Variants in FRAS1 observed in about 807,000 individuals in gnomAD.
FRAS1 encodes the protein Fraser extracellular matrix complex subunit 1.
Under a neutral mutation model 435.2 loss-of-function variants are expected in FRAS1, and 290 were observed. The ratio of observed to expected loss-of-function variants is 0.67; its 90% CI spans 0.61 to 0.73. The LOEUF is 0.73. FRAS1 is among the 30% of genes least tolerant of loss of function. The pLI is 0.00. For synonymous variants in FRAS1, 1,800 were observed against 1,851.0 expected (o/e 0.97, Z 0.71); for missense variants, 4,860 against 5,001.5 (o/e 0.97, Z 0.85).
At chr4:78,064,912 G>T (rs1032247507) in intron 1 of FRAS1, among the ~76,000 whole-genome samples, 2 of 151,686 alleles carry the variant, frequency 1.3e-5, no homozygotes, top group Admixed American at 6.6e-5. Context: ...CTGTTCAAAT[G>T]TGTTTTGCAG....
chr4:78,519,221 A>G (rs1474060676), intron 66 of FRAS1, 110 bp from the exon 67 acceptor site: 2 of 866,890 alleles, frequency 2.3e-6, no homozygotes, highest in African/African-American at 1.8e-5. Context: ...TAATTATTGA[A>G]TAAGTGTGTG....
At chr4:78,068,517 G>A (rs1272373682) in intron 2 of FRAS1, 6 of 456,198 alleles carry the variant, frequency 1.3e-5, no homozygotes, top group Non-Finnish European at 2.6e-5. Context: ...GTCAGAGCAT[G>A]GTGAGCCTTG....
chr4:78,459,784 C>T (rs1055201129), intron 47 of FRAS1, among the ~76,000 whole-genome samples: 8 of 152,136 alleles, frequency 5.3e-5, no homozygotes, highest in Non-Finnish European at 7.3e-5. Context: ...AGGAAGGACC[C>T]GCCCCAGGCC....
intron 2 of FRAS1, among the ~76,000 whole-genome samples, chr4:78,104,386 G>T (rs1201459356): frequency 1.3e-5 from 2 of 152,174 alleles, no homozygotes; most frequent in African/African-American, 4.8e-5. Context: ...CACAACCTTG[G>T]CAGATGGGTG....
chr4:78,344,432 C>G (rs1466839407), intron 20 of FRAS1, among the ~76,000 whole-genome samples: 3 of 142,476 alleles, frequency 2.1e-5, no homozygotes, highest in Non-Finnish European at 4.5e-5. Context: ...TGATAAAAGT[C>G]AGGAATGATT....
intron 2 of FRAS1, among the ~76,000 whole-genome samples, chr4:78,086,884 A>T (rs1259696752): frequency 6.6e-6 from 1 of 152,188 alleles, no homozygotes; most frequent in Non-Finnish European, 1.5e-5. Flanking sequence ...AACTATTCCA[A>T]TCAATAGAAA....
chr4:78,448,862 G>A (rs75908048), intron 44 of FRAS1, among the ~76,000 whole-genome samples: 1 of 152,188 alleles, frequency 6.6e-6, no homozygotes, highest in African/African-American at 2.4e-5. Flanking sequence ...TGACAAGTGT[G>A]AGTCTTGAAC....
intron 2 of FRAS1, among the ~76,000 whole-genome samples, chr4:78,138,562 T>C (rs2109993847): frequency 6.6e-6 from 1 of 152,340 alleles, no homozygotes; most frequent in African/African-American, 2.4e-5. Flanking sequence ...CCAGCCTTGA[T>C]AAGAAGATCA....
At chr4:78,101,527 T>A (rs1452194156) in intron 2 of FRAS1, among the ~76,000 whole-genome samples, 1 of 152,062 alleles carries the variant, frequency 6.6e-6, no homozygotes, top group African/African-American at 2.4e-5. Context: ...GAGAGTGTAT[T>A]TTTTTTAACA....
chr4:78,103,586 G>A (rs1427865178), intron 2 of FRAS1, among the ~76,000 whole-genome samples: 1 of 152,160 alleles, frequency 6.6e-6, no homozygotes, highest in Admixed American at 6.5e-5. Flanking sequence ...TAACTCCTAA[G>A]GTAACGGTTT....
At chr4:78,123,773 CTGTT>C (rs1454270418) in intron 2 of FRAS1, among the ~76,000 whole-genome samples, 6 of 152,124 alleles carry the variant, frequency 3.9e-5, no homozygotes, top group African/African-American at 9.7e-5. Flanking sequence ...ATTTGGCACT[CTGTT>C]TGTCTGTTAT....
chr4:78,405,457 A>G (rs1733064118), intron 30 of FRAS1, among the ~76,000 whole-genome samples: 1 of 152,210 alleles, frequency 6.6e-6, no homozygotes, highest in African/African-American at 2.4e-5. Context: ...AGAAAACTAC[A>G]GTGAGTTGAC....
chr4:78,128,587 T>C (rs1719508267), intron 2 of FRAS1, among the ~76,000 whole-genome samples: 1 of 152,248 alleles, frequency 6.6e-6, no homozygotes, highest in Admixed American at 6.5e-5. Context: ...CTTCACCCAC[T>C]TGTTGATGGG....
At position 78,387,596 on chromosome 4, in the gene FRAS1, C is replaced by T; in HGVS notation, c.3870C>T (p.His1290=). 1 of 1,613,730 alleles carries T rather than the reference C, an allele frequency of 6.2e-7. No individual in the cohort carries two copies. The highest frequency in any genetic ancestry group is 8.5e-7 in the Non-Finnish European group (1 of 1,179,716). The change falls in exon 29 of 74, where the codon CAC becomes CAT. Residue 1290 remains histidine, a synonymous_variant. Coordinates refer to ENST00000512123, the MANE Select transcript of FRAS1 (RefSeq NM_025074.7). The stretch of plus-strand genomic sequence containing the variant: ...ATGAACTCTCTAGAGGCCTTCTCCA[C>T]TATGCTCATGATGGTTCAGACAGCA... ...QLDELSRGLL[H]YAHDGSDSTS...
At chr4:78,253,097 C>T (rs969276039) in intron 5 of FRAS1, among the ~76,000 whole-genome samples, 8 of 152,034 alleles carry the variant, frequency 5.3e-5, no homozygotes, top group African/African-American at 1.7e-4. Flanking sequence ...CCAGAGTGGC[C>T]GTTTATAGAC....
intron 33 of FRAS1, among the ~76,000 whole-genome samples, chr4:78,420,355 C>A (rs1414474890): frequency 6.6e-6 from 1 of 152,184 alleles, no homozygotes; most frequent in African/African-American, 2.4e-5. Context: ...CCCTTTCAAA[C>A]TAGCAGCCTG....
At chr4:78,416,066 A>T (rs1385821660) in intron 32 of FRAS1, among the ~76,000 whole-genome samples, 1 of 152,218 alleles carries the variant, frequency 6.6e-6, no homozygotes, top group Admixed American at 6.5e-5. Flanking sequence ...AGAAAATGTG[A>T]TACAGACGTA....
At chr4:78,223,218 C>T (rs141866989) in intron 2 of FRAS1, among the ~76,000 whole-genome samples, 2 of 152,204 alleles carry the variant, frequency 1.3e-5, no homozygotes, top group East Asian at 1.9e-4. Flanking sequence ...GGATGGGCTC[C>T]GCATCCCTGG....
chr4:78,338,014 T>C (rs974013315), intron 20 of FRAS1, 197 bp downstream of exon 20: 1 of 558,382 alleles, frequency 1.8e-6, no homozygotes, highest in Non-Finnish European at 3.2e-6. Context: ...GAACTTCTAA[T>C]AATACTCTTG....
Sources: gnomAD v4.1 joint callset for allele counts (sites outside exome capture counted in the v4.1 genomes callset) on GRCh38, gnomAD v4.1.1 for gene constraint, MANE v1.5 for transcripts, NCBI Gene and HGNC (gene_info 2026-07-23, HGNC 2026-07-21) for gene names.